The following SORCS1 variants were observed in gnomAD, a reference collection of about 807,000 sequenced individuals.
SORCS1 encodes the protein sortilin related VPS10 domain containing receptor 1.
Under a neutral mutation model 146.1 loss-of-function variants are expected in SORCS1, and 60 were observed. The ratio of observed to expected loss-of-function variants is 0.41; its 90% CI spans 0.33 to 0.51. The LOEUF is 0.51. Among genes scored for constraint, SORCS1 ranks in the 20% least tolerant of loss-of-function variants. The pLI is 0.21. For missense variants in SORCS1, 1,352 were observed against 1,487.6 expected (o/e 0.91, Z 1.50); for synonymous variants, 637 against 584.0 (o/e 1.09, Z -1.31).
chr10:106,645,950 T>G (rs1849397522), intron 18 of SORCS1, among the ~76,000 whole-genome samples: 1 of 152,128 alleles, frequency 6.6e-6, no homozygotes, highest in African/African-American at 2.4e-5. Flanking sequence ...TTCTTAATTT[T>G]AATGTAGTCC....
chr10:106,704,561 G>A (rs927011817), intron 8 of SORCS1, among the ~76,000 whole-genome samples: 3 of 152,068 alleles, frequency 2.0e-5, no homozygotes, highest in Non-Finnish European at 4.4e-5. Flanking sequence ...TTGGTGGCAC[G>A]CTCCTGTAGT....
At chr10:107,099,540 A>G (rs992802492) in intron 1 of SORCS1, among the ~76,000 whole-genome samples, 1 of 152,212 alleles carries the variant, frequency 6.6e-6, no homozygotes, top group Non-Finnish European at 1.5e-5. Context: ...TCAGATTCTC[A>G]GTCACACTAA....
intron 1 of SORCS1, among the ~76,000 whole-genome samples, chr10:107,008,201 C>T (rs1289536541): frequency 2.6e-5 from 4 of 151,972 alleles, no homozygotes; most frequent in East Asian, 1.9e-4. Context: ...AGTAGAGTTG[C>T]CAGTATTTTT....
At chr10:107,173,681 T>G in the SORCS1 span, among the ~76,000 whole-genome samples, 1 of 152,206 alleles carries the variant, frequency 6.6e-6, no homozygotes, top group Non-Finnish European at 1.5e-5. Flanking sequence ...GTTTTATCAT[T>G]TATATCTATA....
At chr10:107,150,580 T>C (rs661319) in intron 1 of SORCS1, among the ~76,000 whole-genome samples, 27,081 of 152,160 alleles carry the variant, frequency 0.18, 2,651 homozygotes, top group East Asian at 0.27. Flanking sequence ...ATGCCCTTGA[T>C]TTGATTATAA....
chr10:106,942,086 TAA>T (rs1954072588), intron 2 of SORCS1, among the ~76,000 whole-genome samples: 1 of 152,216 alleles, frequency 6.6e-6, no homozygotes, highest in Non-Finnish European at 1.5e-5. Context: ...GTGAATTTCT[TAA>T]AAGTAGCTTT....
intron 1 of SORCS1, among the ~76,000 whole-genome samples, chr10:107,027,592 C>A (rs1317377635): frequency 6.6e-6 from 1 of 152,170 alleles, no homozygotes; most frequent in Non-Finnish European, 1.5e-5. Flanking sequence ...TTACACTCAT[C>A]CCCGAGCAGT....
intron 2 of SORCS1, among the ~76,000 whole-genome samples, chr10:106,951,239 CG>C (rs1254684195): frequency 6.6e-6 from 1 of 152,112 alleles, no homozygotes; most frequent in African/African-American, 2.4e-5. Context: ...TGGCCGGGCA[CG>C]GTGGTTAACG....
intron 3 of SORCS1, among the ~76,000 whole-genome samples, chr10:106,781,653 A>T (rs2136419551): frequency 6.6e-6 from 1 of 152,322 alleles, no homozygotes; most frequent in Admixed American, 6.5e-5. Flanking sequence ...AAATCAAATT[A>T]AGCAAAATGT....
At chr10:107,007,169 T>C (rs1220595855) in intron 1 of SORCS1, among the ~76,000 whole-genome samples, 1 of 152,220 alleles carries the variant, frequency 6.6e-6, no homozygotes, top group East Asian at 1.9e-4. Context: ...ATGAAAGTGG[T>C]AACTGTGTGT....
intron 2 of SORCS1, among the ~76,000 whole-genome samples, chr10:106,838,791 T>C (rs1002855984): frequency 6.6e-6 from 1 of 152,230 alleles, no homozygotes; most frequent in Non-Finnish European, 1.5e-5. Context: ...TCCAACAGCA[T>C]GTGCTCACTT....
At chr10:106,694,591 C>A (rs1853555247) in intron 9 of SORCS1, among the ~76,000 whole-genome samples, 1 of 152,196 alleles carries the variant, frequency 6.6e-6, no homozygotes, top group Non-Finnish European at 1.5e-5. Flanking sequence ...TTCAATAGGA[C>A]AGCATTTTTC....
intron 2 of SORCS1, among the ~76,000 whole-genome samples, chr10:106,891,800 T>G (rs2137903207): frequency 6.6e-6 from 1 of 152,284 alleles, no homozygotes; most frequent in African/African-American, 2.4e-5. Flanking sequence ...CAATCCATTT[T>G]TAGTTTGATA....
At chr10:106,812,696 C>T (rs1021813768) in intron 3 of SORCS1, among the ~76,000 whole-genome samples, 2 of 152,070 alleles carry the variant, frequency 1.3e-5, no homozygotes, top group African/African-American at 4.8e-5. Flanking sequence ...ATGCAACATA[C>T]ATGTATGCAT....
chr10:107,145,168 G>T (rs1055096224), intron 1 of SORCS1, among the ~76,000 whole-genome samples: 2 of 152,226 alleles, frequency 1.3e-5, no homozygotes, highest in Non-Finnish European at 2.9e-5. Context: ...GATGGGGCAA[G>T]CAATGAATAA....
intron 2 of SORCS1, among the ~76,000 whole-genome samples, chr10:106,870,189 G>C (rs1225623849): frequency 3.3e-5 from 5 of 152,028 alleles, no homozygotes; most frequent in African/African-American, 1.2e-4. Flanking sequence ...AAAGAAATCA[G>C]AAAAGACACA....
chr10:106,597,635 C>T (rs1056451361), intron 23 of SORCS1, among the ~76,000 whole-genome samples, 185 bp from the exon 24 acceptor site: 1 of 152,074 alleles, frequency 6.6e-6, no homozygotes, highest in Non-Finnish European at 1.5e-5. Flanking sequence ...TAAGCATGAC[C>T]TGTCTTTACG....
chr10:107,050,991 T>C (rs2134049077), intron 1 of SORCS1, among the ~76,000 whole-genome samples: 1 of 152,244 alleles, frequency 6.6e-6, no homozygotes, highest in South Asian at 2.1e-4. Flanking sequence ...CATAAAGTTT[T>C]CTTCCTTCTT....
intron 2 of SORCS1, among the ~76,000 whole-genome samples, chr10:106,858,101 G>A (rs1405156610): frequency 6.6e-6 from 1 of 152,158 alleles, no homozygotes; most frequent in Non-Finnish European, 1.5e-5. Flanking sequence ...AGGTTAAGGG[G>A]AAGTCATGTA....
Sources: allele counts gnomAD v4.1 joint callset (sites outside exome capture counted in the v4.1 genomes callset), GRCh38; gene constraint gnomAD v4.1.1; transcripts MANE v1.5; gene names NCBI Gene and HGNC (gene_info 2026-07-23, HGNC 2026-07-21).